PTPRD: variants seen among roughly 807,000 people sequenced by gnomAD.
PTPRD encodes the protein protein tyrosine phosphatase receptor type D.
In PTPRD, 34 loss-of-function variants were observed where a neutral mutation model predicts 214.5. The observed-to-expected ratio is 0.16, with a 90% confidence interval of 0.12 to 0.21. PTPRD has a LOEUF of 0.21. Ranked by LOEUF, PTPRD falls within the 10% of genes least tolerant of loss-of-function variation. The pLI, the probability that PTPRD is intolerant of heterozygous loss-of-function variation, is 1.00. For missense variants in PTPRD, 2,545 were observed against 2,398.7 expected, an observed-to-expected ratio of 1.06 and a Z score of -1.27; for synonymous variants, 1,128 against 845.7, an observed-to-expected ratio of 1.33 and a Z score of -5.79.
chr9:10,320,016 C>G (rs116566158), intron 3 of PTPRD, among the ~76,000 whole-genome samples: 2,524 of 152,074 alleles, frequency 0.017, 70 homozygotes, highest in African/African-American at 0.058. Context: ...GCCTAAAATG[C>G]ATTATCTGAC....
intron 4 of PTPRD, among the ~76,000 whole-genome samples, chr9:9,982,474 TG>T (rs901130960): frequency 5.1e-4 from 19 of 37,306 alleles, no homozygotes; most frequent in South Asian, 4.1e-3. Context: ...GTGGTGGTGG[TG>T]GTGTGTGTGT....
chr9:8,464,815 G>A (rs1006355072), intron 32 of PTPRD, among the ~76,000 whole-genome samples: 3 of 150,660 alleles, frequency 2.0e-5, no homozygotes, highest in Admixed American at 2.0e-4. Context: ...AATACCTTAG[G>A]AATTCTCTCT....
intron 3 of PTPRD, among the ~76,000 whole-genome samples, chr9:10,318,080 T>G (rs1368032503): frequency 6.6e-6 from 1 of 152,026 alleles, no homozygotes; most frequent in Admixed American, 6.6e-5. Flanking sequence ...AAATCAAACT[T>G]ACAAACTTTG....
chr9:9,164,542 G>T (rs953680360), intron 10 of PTPRD, among the ~76,000 whole-genome samples: 2 of 152,124 alleles, frequency 1.3e-5, no homozygotes, highest in Non-Finnish European at 2.9e-5. Context: ...TTGTAGGAGG[G>T]TATTATACTG....
intron 9 of PTPRD, among the ~76,000 whole-genome samples, chr9:9,245,276 G>GGGTATATAC (rs2099972484): frequency 4.7e-5 from 7 of 149,392 alleles, no homozygotes; most frequent in Admixed American, 1.3e-4. Context: ...ACCCAGCCAT[G>GGGTATATAC]CCAAAGGAAT....
At chr9:8,516,196 A>G (rs1272147315) in intron 21 of PTPRD, among the ~76,000 whole-genome samples, 1 of 152,226 alleles carries the variant, frequency 6.6e-6, no homozygotes, top group African/African-American at 2.4e-5. Flanking sequence ...AGATTTACGG[A>G]TGTCTACATT....
chr9:8,713,954 G>C lies in PTPRD; in HGVS notation c.64+19826C>G, dbSNP rs2098401192. 4.7e-6 allele frequency: 3 copies of C among 633,546 alleles called. No homozygotes were observed. In the South Asian group the frequency reaches 5.8e-5, roughly 12 times the overall value. 39.2% of individuals were successfully genotyped at this position (633,546 alleles called of 1,614,324 possible). On this transcript the variant is annotated intron_variant, in intron 12 of 45. Coordinates refer to ENST00000381196, the MANE Select transcript of PTPRD (RefSeq NM_002839.4). ...ACTTGGAGGACCATGGTGAGAATTA[G>C]TGAGGCCTGACCTTGGTACACAGTG... is the stretch of plus-strand genomic sequence containing the variant.
intron 3 of PTPRD, among the ~76,000 whole-genome samples, chr9:10,335,921 TCCAGAATA>T (rs2096836512): frequency 6.6e-6 from 1 of 151,732 alleles, no homozygotes; most frequent in South Asian, 2.1e-4. Context: ...ATGGCCAAAA[TCCAGAATA>T]CTGAAAACAC....
At chr9:9,231,706 A>G (rs2099963213) in intron 9 of PTPRD, among the ~76,000 whole-genome samples, 1 of 152,106 alleles carries the variant, frequency 6.6e-6, no homozygotes, top group African/African-American at 2.4e-5. Context: ...TGAGATTTAA[A>G]TGAATATCTA....
At chr9:8,618,149 A>G (rs2095673073) in intron 14 of PTPRD, among the ~76,000 whole-genome samples, 1 of 152,244 alleles carries the variant, frequency 6.6e-6, no homozygotes, top group East Asian at 1.9e-4. Context: ...CACTTCCTCA[A>G]CAATAAGACC....
At chr9:8,986,706 C>T (rs907834374) in intron 11 of PTPRD, among the ~76,000 whole-genome samples, 2 of 151,950 alleles carry the variant, frequency 1.3e-5, no homozygotes, top group Non-Finnish European at 2.9e-5. Context: ...TATATGCTCA[C>T]TTTTTAGCCT....
At chr9:9,449,154 C>T (rs1212882083) in intron 8 of PTPRD, among the ~76,000 whole-genome samples, 1 of 151,962 alleles carries the variant, frequency 6.6e-6, no homozygotes, top group African/African-American at 2.4e-5. Context: ...TGAATTCTTT[C>T]TTCACGAGAT....
intron 26 of PTPRD, among the ~76,000 whole-genome samples, chr9:8,495,812 C>T (rs934064379): frequency 6.6e-6 from 1 of 152,152 alleles, no homozygotes; most frequent in African/African-American, 2.4e-5. Flanking sequence ...CACACAGTTA[C>T]AAGATTCCCA....
chr9:10,014,866 G>A lies in PTPRD; in HGVS notation c.-472+18852C>T, dbSNP rs114937512. ...GTGTTTTTTCTTCTATCCTTAAATT[G>A]AAGAGACTTACTGCCCCACTTTATG... On this transcript the variant is annotated intron_variant, in intron 4 of 45. Coordinates refer to ENST00000381196, the MANE Select transcript of PTPRD (RefSeq NM_002839.4). Among the ~76,000 whole-genome samples the A allele has an allele frequency of 8.8e-3, 1,339 of 152,114 alleles. 21 individuals are homozygous for A. The highest frequency in any genetic ancestry group is 0.03 in the African/African-American group (1,235 of 41,532).
chr9:9,894,314 C>T (rs532207442), intron 5 of PTPRD, among the ~76,000 whole-genome samples: 2 of 152,004 alleles, frequency 1.3e-5, no homozygotes, highest in Non-Finnish European at 1.5e-5. Context: ...TACTTAAAAC[C>T]TTTTCACCTG....
chr9:10,443,845 T>TCACACACACA (rs141638837), intron 2 of PTPRD, among the ~76,000 whole-genome samples: 2 of 148,614 alleles, frequency 1.3e-5, no homozygotes, highest in African/African-American at 2.5e-5. Context: ...TACCTCAAAT[T>TCACACACACA]CACACACACA....
chr9:10,206,442 T>C (rs995193865), intron 3 of PTPRD, among the ~76,000 whole-genome samples: 1 of 152,206 alleles, frequency 6.6e-6, no homozygotes, highest in Non-Finnish European at 1.5e-5. Context: ...TGACATTATA[T>C]ATCAGGCTAT....
intron 9 of PTPRD, among the ~76,000 whole-genome samples, chr9:9,248,919 G>T (rs776894384): frequency 2.0e-5 from 3 of 152,018 alleles, no homozygotes; most frequent in Non-Finnish European, 4.4e-5. Context: ...AGTACTAGCT[G>T]GTAAAGTGTA....
At chr9:9,469,722 G>A (rs1247320057) in intron 8 of PTPRD, among the ~76,000 whole-genome samples, 3 of 152,148 alleles carry the variant, frequency 2.0e-5, no homozygotes, top group Non-Finnish European at 4.4e-5. Context: ...TCTTCTTGAA[G>A]TTTTTAAAAT....
Sources: gnomAD v4.1 joint callset for allele counts (sites outside exome capture counted in the v4.1 genomes callset) on GRCh38, gnomAD v4.1.1 for gene constraint, MANE v1.5 for transcripts, NCBI Gene and HGNC (gene_info 2026-07-23, HGNC 2026-07-21) for gene names.